The following KAZN variants were observed in gnomAD, a reference collection of about 807,000 sequenced individuals.
The protein encoded by KAZN is kazrin.
Under a neutral mutation model 87.4 loss-of-function variants are expected in KAZN, and 40 were observed. The observed-to-expected ratio is 0.46, with a 90% CI of 0.36 to 0.60. The LOEUF is 0.60. KAZN is among the 20% of genes least tolerant of loss of function. The probability of loss-of-function intolerance (pLI) is 0.00; values close to 1 mark genes in which losing one functional copy is unlikely to be tolerated. For synonymous variants in KAZN, 466 were observed against 458.3 expected (o/e 1.02, Z -0.22); for missense variants, 898 against 1,073.9 (o/e 0.84, Z 2.29).
At chr1:14,847,762 G>A (rs1245174882) in intron 1 of KAZN, among the ~76,000 whole-genome samples, 7 of 152,212 alleles carry the variant, frequency 4.6e-5, no homozygotes, top group African/African-American at 1.7e-4. Flanking sequence ...GGGAGGATCA[G>A]TTGAGGCCAG....
intron 8 of KAZN, among the ~76,000 whole-genome samples, chr1:15,085,333 T>A (rs1344238929): frequency 1.3e-5 from 2 of 152,150 alleles, no homozygotes; most frequent in East Asian, 3.8e-4. Flanking sequence ...GCCATTATTA[T>A]TTTGTTTTTT....
intron 7 of KAZN, among the ~76,000 whole-genome samples, chr1:15,064,845 G>A (rs1297640441): frequency 2.0e-5 from 3 of 152,184 alleles, no homozygotes; most frequent in Admixed American, 6.5e-5. Flanking sequence ...GCCTCGCATC[G>A]TGGACATGAC....
chr1:14,052,625 A>G (rs1642387405), intron 1 of KAZN, among the ~76,000 whole-genome samples: 2 of 152,006 alleles, frequency 1.3e-5, no homozygotes, highest in African/African-American at 4.8e-5. Flanking sequence ...GCCCTACTCC[A>G]GCTGTCTGAG....
chr1:14,798,360 C>CA (rs555821604), intron 1 of KAZN, among the ~76,000 whole-genome samples: 389 of 150,892 alleles, frequency 2.6e-3, no homozygotes, highest in African/African-American at 8.8e-3. Flanking sequence ...CTCTTCTCCA[C>CA]AAAGAAATCA....
intron 1 of KAZN, among the ~76,000 whole-genome samples, chr1:13,993,062 A>G (rs751421073): frequency 6.6e-6 from 1 of 152,150 alleles, no homozygotes; most frequent in Non-Finnish European, 1.5e-5. Flanking sequence ...GTCAGGCTTG[A>G]CCATGTGATT....
chr1:14,797,152 CTGGGT>C (rs142740853), intron 1 of KAZN, among the ~76,000 whole-genome samples: 2,974 of 152,228 alleles, frequency 0.02, 54 homozygotes, highest in African/African-American at 0.052. Flanking sequence ...CCTCCGCCTC[CTGGGT>C]TCAAGTGATT....
At chr1:14,095,099 T>C (rs1644098338) in intron 1 of KAZN, among the ~76,000 whole-genome samples, 1 of 152,196 alleles carries the variant, frequency 6.6e-6, no homozygotes. Flanking sequence ...AGGATGAATG[T>C]TTAGCATCCC....
At position 14,660,343 on chromosome 1, in the gene KAZN, T is replaced by G. The variant is rs149474429; in HGVS notation, c.226+61120T>G. 3.8e-3 allele frequency among the ~76,000 whole-genome samples: 573 copies of G among 152,288 alleles called. 13 individuals are homozygous for G. The East Asian group carries it at 0.042, about 11-fold the overall frequency. On this transcript the variant is annotated intron_variant, in intron 1 of 14. Coordinates refer to ENST00000376030, the MANE Select transcript of KAZN (RefSeq NM_201628.3). ...ACTTTCACATGTATTTTCTCATTTC[T>G]ATCCTGCAAGGCAGATACTGTCATA...
chr1:14,043,991 T>A (rs1461661154), intron 1 of KAZN, among the ~76,000 whole-genome samples: 1 of 152,140 alleles, frequency 6.6e-6, no homozygotes, highest in Admixed American at 6.5e-5. Flanking sequence ...CTCCCTTGTG[T>A]CTCTCATGCA....
chr1:14,499,122 G>A lies in KAZN; in HGVS notation c.250-99861G>A, dbSNP rs188053995. ...ATCTAGGAATCTGTAAATATTTGGT[G>A]AGTGTGTTTATAAAACTAAGATCAT... On this transcript the variant is annotated intron_variant, in intron 2 of 16. Transcript: ENST00000636203. Among the ~76,000 whole-genome samples the A allele has an allele frequency of 4.0e-3, 604 of 152,214 alleles. 8 individuals carry two copies. The highest frequency in any genetic ancestry group is 0.013 in the African/African-American group (543 of 41,524).
At chr1:14,524,169 G>C (rs911019322) in intron 2 of KAZN, among the ~76,000 whole-genome samples, 1 of 151,996 alleles carries the variant, frequency 6.6e-6, no homozygotes, top group Non-Finnish European at 1.5e-5. Context: ...TTACAGGCAT[G>C]CACCACCACG....
chr1:14,207,565 T>C (rs1646770592), intron 2 of KAZN, among the ~76,000 whole-genome samples: 1 of 152,190 alleles, frequency 6.6e-6, no homozygotes, highest in South Asian at 2.1e-4. Flanking sequence ...AATTTTGATA[T>C]TTTGTACCTT....
chr1:14,087,930 T>C (rs566296389), intron 1 of KAZN, among the ~76,000 whole-genome samples: 1 of 151,780 alleles, frequency 6.6e-6, no homozygotes, highest in East Asian at 1.9e-4. Context: ...AATCTCTTTG[T>C]CTGGTTTTGG....
At chr1:15,110,031 GTGTA>G (rs199756590) in intron 13 of KAZN, among the ~76,000 whole-genome samples, 577 of 20,946 alleles carry the variant, frequency 0.028, 3 homozygotes, top group Admixed American at 0.06. Flanking sequence ...GATGGTGTTT[GTGTA>G]TGTGTGTATA....
At chr1:14,134,663 T>C (rs1645065346) in intron 1 of KAZN, among the ~76,000 whole-genome samples, 1 of 152,152 alleles carries the variant, frequency 6.6e-6, no homozygotes, top group Non-Finnish European at 1.5e-5. Context: ...GAATTTGTTT[T>C]CAAAACAAAA....
chr1:14,030,696 C>G (rs1055488546), intron 1 of KAZN, among the ~76,000 whole-genome samples: 1 of 151,114 alleles, frequency 6.6e-6, no homozygotes, highest in Non-Finnish European at 1.5e-5. Flanking sequence ...CCATTTCCCT[C>G]AAGTTACAAC....
At chr1:13,951,234 A>G (rs1473529984) in intron 1 of KAZN, among the ~76,000 whole-genome samples, 6 of 152,146 alleles carry the variant, frequency 3.9e-5, no homozygotes, top group African/African-American at 7.2e-5. Flanking sequence ...GCAGCAAGGC[A>G]TAGTGTGGTA....
chr1:14,562,540 A>G (rs968675265), intron 2 of KAZN, among the ~76,000 whole-genome samples: 3 of 152,226 alleles, frequency 2.0e-5, no homozygotes, highest in Non-Finnish European at 4.4e-5. Flanking sequence ...AAATCCTCTG[A>G]TTCCCTGGCT....
intron 2 of KAZN, among the ~76,000 whole-genome samples, chr1:14,203,630 G>A (rs1360089987): frequency 6.6e-6 from 1 of 152,120 alleles, no homozygotes. Context: ...GAGAGTCCAG[G>A]GCCTTCTGAA....
Sources: gnomAD v4.1 joint callset for allele counts (sites outside exome capture counted in the v4.1 genomes callset) on GRCh38, gnomAD v4.1.1 for gene constraint, MANE v1.5 for transcripts, NCBI Gene and HGNC (gene_info 2026-07-23, HGNC 2026-07-21) for gene names.